The following GLCE variants were observed in gnomAD, a reference collection of about 807,000 sequenced individuals.
GLCE encodes D-glucuronyl C5-epimerase.
Under a neutral mutation model 47.9 loss-of-function variants are expected in GLCE, and 19 were observed. The observed-to-expected ratio is 0.40, with a 90% CI of 0.28 to 0.58. GLCE has a LOEUF of 0.58. Among genes scored for constraint, GLCE ranks in the 20% least tolerant of loss-of-function variants. The pLI, the probability that GLCE is intolerant of heterozygous loss-of-function variation, is 0.48. For synonymous variants in GLCE, 245 were observed against 263.4 expected (o/e 0.93, Z 0.68); for missense variants, 556 against 743.3 (o/e 0.75, Z 2.93).
At chr15:69,181,007 A>G (rs969780058) in intron 1 of GLCE, among the ~76,000 whole-genome samples, 7 of 152,246 alleles carry the variant, frequency 4.6e-5, no homozygotes, top group South Asian at 4.1e-4. Flanking sequence ...GTGGTGAGTA[A>G]TTGACATTTT....
chr15:69,205,510 A>G (rs185135646), intron 1 of GLCE, among the ~76,000 whole-genome samples: 44 of 152,262 alleles, frequency 2.9e-4, no homozygotes, highest in Non-Finnish European at 5.3e-4. Flanking sequence ...GGGTAAAAAT[A>G]CATAGGTATG....
At chr15:69,232,371 G>A (rs1463698874) in intron 2 of GLCE, among the ~76,000 whole-genome samples, 2 of 152,006 alleles carry the variant, frequency 1.3e-5, no homozygotes, top group Non-Finnish European at 2.9e-5. Flanking sequence ...TACATATTGT[G>A]TTATATTACG....
At chr15:69,227,975 C>A (rs4777127) in intron 2 of GLCE, among the ~76,000 whole-genome samples, 110,950 of 152,032 alleles carry the variant, frequency 0.73, 40,829 homozygotes, top group Admixed American at 0.79. Flanking sequence ...ATTGTCACAT[C>A]AAGTATTTTC....
At chr15:69,213,340 C>T (rs1290729976) in intron 2 of GLCE, among the ~76,000 whole-genome samples, 2 of 152,062 alleles carry the variant, frequency 1.3e-5, no homozygotes, top group East Asian at 3.8e-4. Flanking sequence ...TTAGTCTCCT[C>T]CAATCTGACA....
chr15:69,242,820 G>C (rs1000485978), intron 2 of GLCE, among the ~76,000 whole-genome samples: 4 of 151,594 alleles, frequency 2.6e-5, no homozygotes, highest in Admixed American at 6.6e-5. Flanking sequence ...CGAGGCAGGG[G>C]GTGTTGCTTG....
chr15:69,238,872 G>T (rs937442443), intron 2 of GLCE, among the ~76,000 whole-genome samples: 7 of 152,150 alleles, frequency 4.6e-5, no homozygotes, highest in African/African-American at 1.7e-4. Flanking sequence ...AATAAAAAAT[G>T]CCCTGCATCT....
chr15:69,192,205 A>G (rs974900526), intron 1 of GLCE, among the ~76,000 whole-genome samples: 7 of 151,996 alleles, frequency 4.6e-5, no homozygotes, highest in Non-Finnish European at 7.4e-5. Context: ...CGACATTGCT[A>G]CAGAGGTCAT....
chr15:69,169,617 C>T (rs1391549304), intron 1 of GLCE, among the ~76,000 whole-genome samples: 1 of 147,846 alleles, frequency 6.8e-6, no homozygotes, highest in Admixed American at 6.9e-5. Context: ...TTGTTCAATT[C>T]TCACCTATGA....
chr15:69,237,512 C>T (rs1235413114), intron 2 of GLCE, among the ~76,000 whole-genome samples: 1 of 151,756 alleles, frequency 6.6e-6, no homozygotes, highest in East Asian at 1.9e-4. Flanking sequence ...GCAGGAGAAT[C>T]GCTTGAACCC....
At chr15:69,220,998 C>T (rs1477820513) in intron 2 of GLCE, among the ~76,000 whole-genome samples, 1 of 152,208 alleles carries the variant, frequency 6.6e-6, no homozygotes, top group Non-Finnish European at 1.5e-5. Context: ...TTTCCCAACA[C>T]CATTTGTTGA....
chr15:69,235,565 T>C (rs893179926), intron 2 of GLCE, among the ~76,000 whole-genome samples: 4 of 152,164 alleles, frequency 2.6e-5, no homozygotes, highest in African/African-American at 9.7e-5. Flanking sequence ...TGATATCAGC[T>C]TAACAGATGA....
chr15:69,225,443 A>G (rs1457091577), intron 2 of GLCE, among the ~76,000 whole-genome samples: 1 of 152,206 alleles, frequency 6.6e-6, no homozygotes, highest in Admixed American at 6.5e-5. Flanking sequence ...AATAATTATA[A>G]GGTTTTGAGG....
chr15:69,223,582 G>A (rs1439907900), intron 2 of GLCE, among the ~76,000 whole-genome samples: 1 of 152,110 alleles, frequency 6.6e-6, no homozygotes, highest in Non-Finnish European at 1.5e-5. Flanking sequence ...CTTGGAGTTT[G>A]TTGAGCTCCT....
At chr15:69,234,439 A>G (rs2052568158) in intron 2 of GLCE, among the ~76,000 whole-genome samples, 1 of 152,120 alleles carries the variant, frequency 6.6e-6, no homozygotes, top group East Asian at 1.9e-4. Context: ...TTCAGGTTTT[A>G]CCTTTGTAAA....
intron 1 of GLCE, among the ~76,000 whole-genome samples, chr15:69,198,341 A>G (rs2052027472): frequency 6.6e-6 from 1 of 152,192 alleles, no homozygotes; most frequent in Admixed American, 6.5e-5. Context: ...ACTTTAAAAC[A>G]TAGCCACTCA....
intron 2 of GLCE, among the ~76,000 whole-genome samples, chr15:69,242,338 G>A (rs2052683467): frequency 6.6e-6 from 1 of 151,930 alleles, no homozygotes; most frequent in Non-Finnish European, 1.5e-5. Context: ...CCTTTTCAAT[G>A]TGGATTTTTT....
At chr15:69,239,683 A>G (rs981728557) in intron 2 of GLCE, among the ~76,000 whole-genome samples, 2 of 152,220 alleles carry the variant, frequency 1.3e-5, no homozygotes, top group African/African-American at 4.8e-5. Flanking sequence ...TAACTGCAGT[A>G]GGTTGAAATG....
At chr15:69,215,746 G>C (rs1438530450) in intron 2 of GLCE, among the ~76,000 whole-genome samples, 2 of 152,046 alleles carry the variant, frequency 1.3e-5, no homozygotes, top group Non-Finnish European at 2.9e-5. Flanking sequence ...CTGCATCCTT[G>C]TCAGCACTTG....
chr15:69,244,639 A>G (rs2052722261), intron 2 of GLCE, among the ~76,000 whole-genome samples: 1 of 152,194 alleles, frequency 6.6e-6, no homozygotes, highest in South Asian at 2.1e-4. Flanking sequence ...GAGTTAAAAT[A>G]CCATTCTTAA....
Sources: allele counts gnomAD v4.1 joint callset (sites outside exome capture counted in the v4.1 genomes callset), GRCh38; gene constraint gnomAD v4.1.1; transcripts MANE v1.5; gene names NCBI Gene and HGNC (gene_info 2026-07-23, HGNC 2026-07-21).